The following POLR2I variants were observed in gnomAD, a reference collection of about 807,000 sequenced individuals.
POLR2I encodes DNA-directed RNA polymerase II subunit RPB9.
A neutral mutation model predicts 23.0 loss-of-function variants in POLR2I; 15 were observed. That is an observed-to-expected ratio of 0.65 (90% CI 0.44 to 1.00). POLR2I has a LOEUF of 1.00. Among genes scored for constraint, POLR2I ranks in the 50% least tolerant of loss-of-function variants. The pLI, the probability that POLR2I is intolerant of heterozygous loss-of-function variation, is 0.00. For synonymous variants in POLR2I, 72 were observed against 65.4 expected, an observed-to-expected ratio of 1.10 and a Z score of -0.49; for missense variants, 120 against 173.7, an observed-to-expected ratio of 0.69 and a Z score of 1.74.
At position 36,114,136 on chromosome 19, in the gene POLR2I, C is replaced by G; in HGVS notation, c.263+41G>C. 2 of 1,612,252 alleles carry G rather than the reference C, an allele frequency of 1.2e-6. No homozygotes were observed. Among genetic ancestry groups the G allele is most frequent in the Non-Finnish European group, 1.7e-6 (2 of 1,178,376 alleles). ...CTCCTCCCTTCGCCCAGTGAGGAGACGAGCCTCACTTTACCTCCCCAGTAC... is the reference window on the plus strand; with the variant it reads ...CTCCTCCCTTCGCCCAGTGAGGAGAGGAGCCTCACTTTACCTCCCCAGTAC... On this transcript the variant is annotated intron_variant, in intron 4 of 5. Transcript: ENST00000221859. This position sits in a 1 kb window ranked among gnomAD's most constrained non-coding sequence, Gnocchi z 4.5.
Position 36,114,452 on chromosome 19 carries a change from G to A in POLR2I, c.115-40C>T. 1 of 1,588,336 alleles carries A rather than the reference G, an allele frequency of 6.3e-7. No homozygotes were observed. Among genetic ancestry groups the A allele is most frequent in the Non-Finnish European group, 8.6e-7 (1 of 1,157,044 alleles). ...GTGTGGGGGAAAGGGGGTCACGGAA[G>A]GATTCCAGACAAGATTGGGAGGAGA... On this transcript the variant is annotated intron_variant, in intron 2 of 5. Coordinates refer to ENST00000221859, the MANE Select transcript of POLR2I (RefSeq NM_006233.5). The surrounding 1 kb of genome is among the most constrained non-coding windows in gnomAD (Gnocchi z 4.5).
In POLR2I at chr19:36,113,753, G is replaced by A. The variant is rs1300650335; in HGVS notation, c.*2C>T. ...TTTATTACACTCGGGGGAGAGAGGAGGTCACTCGGTCCAGCGGTGGCCGCA... is the reference window on the plus strand; with the variant it reads ...TTTATTACACTCGGGGGAGAGAGGAAGTCACTCGGTCCAGCGGTGGCCGCA... On this transcript the variant is annotated 3_prime_UTR_variant, in exon 6 of 6. Coordinates refer to ENST00000221859, the MANE Select transcript of POLR2I (RefSeq NM_006233.5). The A allele has an allele frequency of 4.3e-6, 7 of 1,613,502 alleles. No individual in the cohort carries two copies. The East Asian group carries it at 8.9e-5, about 21-fold the overall frequency.
Position 36,114,261 on chromosome 19 carries a change from C to T in POLR2I, c.189-10G>A. The T allele has an allele frequency of 6.2e-7, 1 of 1,613,816 alleles. No individual in the cohort carries two copies. ...AATCTGGGTCAGTTCGCTGCAGGGACGCGGGGGTGCAAAATTACGCTCAGA... is the reference window on the plus strand; with the variant it reads ...AATCTGGGTCAGTTCGCTGCAGGGATGCGGGGGTGCAAAATTACGCTCAGA... On this transcript the variant is annotated splice_polypyrimidine_tract_variant and intron_variant, in intron 3 of 5. Coordinates refer to ENST00000221859, the MANE Select transcript of POLR2I (RefSeq NM_006233.5). This position sits in a 1 kb window ranked among gnomAD's most constrained non-coding sequence, Gnocchi z 4.5.
intron 5 of POLR2I, 39 bp downstream of exon 5, chr19:36,113,976 A>G: frequency 6.2e-7 from 1 of 1,609,660 alleles, no homozygotes; most frequent in Non-Finnish European, 8.5e-7. Context: ...AAAGGACCAA[A>G]CAAGCCCCAG....
In POLR2I at chr19:36,113,766, A is replaced by AGC; in HGVS notation, c.365_366dup (p.Trp123AlafsTer20). 1 of 1,613,658 alleles carries AGC rather than the reference A, an allele frequency of 6.2e-7. No homozygotes were observed. The highest frequency in any genetic ancestry group is 2.2e-5 in the East Asian group (1 of 44,870). ...GGGGAGAGAGGAGGTCACTCGGTCC[A>AGC]GCGGTGGCCGCAGTGTGGGGCTGTG... On this transcript the variant is annotated frameshift_variant, in exon 6 of 6. Transcript: ENST00000221859. LOFTEE classifies it high-confidence loss of function.
chr19:36,113,883 G>A (rs988016461), intron 5 of POLR2I, 66 bp from the exon 6 acceptor site: 4 of 1,593,780 alleles, frequency 2.5e-6, no homozygotes, highest in Admixed American at 1.7e-5. Context: ...AAAAGAACAG[G>A]CAAGAGAACT....
At position 36,114,646 on chromosome 19, in the gene POLR2I, C is replaced by G. The variant is rs768903225; in HGVS notation, c.114+13G>C. ...GAACAGGTGGACCTGCCGGGGAAGACCCCGGCGCTCACCGCGTAGAGCAGA... is the reference window on the plus strand; with the variant it reads ...GAACAGGTGGACCTGCCGGGGAAGAGCCCGGCGCTCACCGCGTAGAGCAGA... On this transcript the variant is annotated intron_variant, in intron 2 of 5. Transcript: ENST00000221859. This position sits in a 1 kb window ranked among gnomAD's most constrained non-coding sequence, Gnocchi z 4.5. 2 of 1,602,224 alleles carry G rather than the reference C, an allele frequency of 1.2e-6. No homozygotes were observed. Among genetic ancestry groups the G allele is most frequent in the Non-Finnish European group, 1.7e-6 (2 of 1,171,250 alleles).
chr19:36,113,774 C>T lies in POLR2I; in HGVS notation c.359G>A (p.Gly120Asp), dbSNP rs1253479493. ...AGGAGGTCACTCGGTCCAGCGGTGG[C>T]CGCAGTGTGGGGCTGTGCACACGTA... The part of the protein sequence containing the change: ...LYYVCTAPHC[G>D]HRWTE The change falls in exon 6 of 6, where the codon GGC becomes GAC. Residue 120 changes from glycine (G) to aspartate (D), a missense_variant. Coordinates refer to ENST00000221859, the MANE Select transcript of POLR2I (RefSeq NM_006233.5). The T allele has an allele frequency of 1.9e-6, 3 of 1,613,310 alleles. No homozygotes were observed. Among genetic ancestry groups the T allele is most frequent in the Non-Finnish European group, 2.5e-6 (3 of 1,179,902 alleles).
In POLR2I at chr19:36,114,536, T is replaced by C. The variant is rs1973906409; in HGVS notation, c.114+123A>G. 1.5e-5 allele frequency: 19 copies of C among 1,298,930 alleles called. No individual in the cohort carries two copies. The highest frequency in any genetic ancestry group is 2.3e-5 in the East Asian group (1 of 43,118). 80.5% of individuals were successfully genotyped at this position (1,298,930 alleles called of 1,614,324 possible). A position where few individuals can be genotyped will look rare whatever the true frequency, so the allele number is the denominator to read the frequency against. ...ACTCTCTTTGGGGATGGGCAGGACATGAGAGTCAGGATCACTTGAGGTGCA... is the reference window on the plus strand; with the variant it reads ...ACTCTCTTTGGGGATGGGCAGGACACGAGAGTCAGGATCACTTGAGGTGCA... On this transcript the variant is annotated intron_variant, in intron 2 of 5. Transcript: ENST00000221859. The surrounding 1 kb of genome is among the most constrained non-coding windows in gnomAD (Gnocchi z 4.5).
At position 36,114,176 on chromosome 19, in the gene POLR2I, C is replaced by T. The variant is rs1022185388; in HGVS notation, c.263+1G>A. Reference sequence around the variant, plus strand: ...CTCCCCAGTACCAGCTGAACGCTCACTTTTGGCACGGGTGGTCCTCGGTCC... The same window carrying T: ...CTCCCCAGTACCAGCTGAACGCTCATTTTTGGCACGGGTGGTCCTCGGTCC... On this transcript the variant is annotated splice_donor_variant, in intron 4 of 5. Transcript: ENST00000221859. LOFTEE classifies it high-confidence loss of function. The surrounding 1 kb of genome is among the most constrained non-coding windows in gnomAD (Gnocchi z 4.5). 1 of 1,614,168 alleles carries T rather than the reference C, an allele frequency of 6.2e-7. No individual in the cohort carries two copies. The highest frequency in any genetic ancestry group is 8.5e-7 in the Non-Finnish European group (1 of 1,180,022).
At position 36,114,318 on chromosome 19, in the gene POLR2I, AG is replaced by A. The variant is rs774675619; in HGVS notation, c.188+20del. 2.6e-5 allele frequency: 42 copies of A among 1,613,702 alleles called. No homozygotes were observed. Among genetic ancestry groups the A allele is most frequent in the Non-Finnish European group, 3.6e-5 (42 of 1,179,820 alleles). ...CTCCAGAGCCAACACCCCCGCCCCC[AG>A]CTCAGGGCCCGCCACTCACTCCACT... On this transcript the variant is annotated intron_variant, in intron 3 of 5. Transcript: ENST00000221859. This position sits in a 1 kb window ranked among gnomAD's most constrained non-coding sequence, Gnocchi z 4.5.
At position 36,114,082 on chromosome 19, in the gene POLR2I, C is replaced by G; in HGVS notation, c.264-16G>C. 6.2e-7 allele frequency: 1 copy of G among 1,613,942 alleles called. No homozygotes were observed. The highest frequency in any genetic ancestry group is 8.5e-7 in the Non-Finnish European group (1 of 1,179,916). ...GTGGCCGCACCTGAGAGGGTAGGGG[C>G]TCGGTCACCGGAGGCTTCACACCCT... On this transcript the variant is annotated splice_polypyrimidine_tract_variant and intron_variant, in intron 4 of 5. Transcript: ENST00000221859. This position sits in a 1 kb window ranked among gnomAD's most constrained non-coding sequence, Gnocchi z 4.5.
chr19:36,114,785 C>T lies in POLR2I; in HGVS notation c.59+13G>A. 1 of 1,614,202 alleles carries T rather than the reference C, an allele frequency of 6.2e-7. No homozygotes were observed. The highest frequency in any genetic ancestry group is 8.5e-7 in the Non-Finnish European group (1 of 1,180,014). ...CGCCCGCCTTCTAACATCACCCGCTCCCTCCGCCTCACCATTCCTGGCAGA... is the reference window on the plus strand; with the variant it reads ...CGCCCGCCTTCTAACATCACCCGCTTCCTCCGCCTCACCATTCCTGGCAGA... On this transcript the variant is annotated intron_variant, in intron 1 of 5. Coordinates refer to ENST00000221859, the MANE Select transcript of POLR2I (RefSeq NM_006233.5). The surrounding 1 kb of genome is among the most constrained non-coding windows in gnomAD (Gnocchi z 4.5).
chr19:36,113,884 C>G, intron 5 of POLR2I, 67 bp from the exon 6 acceptor site: 1 of 1,593,850 alleles, frequency 6.3e-7, no homozygotes, highest in East Asian at 2.2e-5. Context: ...AAAGAACAGG[C>G]AAGAGAACTT....
In POLR2I at chr19:36,114,764, C is replaced by T. The variant is rs374745788; in HGVS notation, c.59+34G>A. The T allele has an allele frequency of 2.5e-6, 4 of 1,613,920 alleles. No individual in the cohort carries two copies. Among genetic ancestry groups the T allele is most frequent in the Non-Finnish European group, 3.4e-6 (4 of 1,179,788 alleles). On this transcript the variant is annotated intron_variant, in intron 1 of 5. Coordinates refer to ENST00000221859, the MANE Select transcript of POLR2I (RefSeq NM_006233.5). The surrounding 1 kb of genome is among the most constrained non-coding windows in gnomAD (Gnocchi z 4.5). ...GTTAGTTCTGGAGCCATTCCTCGCC[C>T]GCCTTCTAACATCACCCGCTCCCTC...
At position 36,114,116 on chromosome 19, in the gene POLR2I, C is replaced by T. The variant is rs558312255; in HGVS notation, c.264-50G>A. 6.2e-7 allele frequency: 1 copy of T among 1,613,736 alleles called. No individual in the cohort carries two copies. Among genetic ancestry groups the T allele is most frequent in the African/African-American group, 1.3e-5 (1 of 75,040 alleles). ...CGGAGGCTTCACACCCTTCCCTCCT[C>T]CCTTCGCCCAGTGAGGAGACGAGCC... On this transcript the variant is annotated intron_variant, in intron 4 of 5. Transcript: ENST00000221859. The surrounding 1 kb of genome is among the most constrained non-coding windows in gnomAD (Gnocchi z 4.5).
chr19:36,114,279 C>G lies in POLR2I; in HGVS notation c.189-28G>C. ...GCAGGGACGCGGGGGTGCAAAATTA[C>G]GCTCAGACCCAGCCTCCAGAGCCAA... On this transcript the variant is annotated intron_variant, in intron 3 of 5. Transcript: ENST00000221859. This position sits in a 1 kb window ranked among gnomAD's most constrained non-coding sequence, Gnocchi z 4.5. 1 of 1,613,418 alleles carries G rather than the reference C, an allele frequency of 6.2e-7. No homozygotes were observed. The highest frequency in any genetic ancestry group is 1.1e-5 in the South Asian group (1 of 91,052).
Position 36,114,435 on chromosome 19 carries a change from G to T in POLR2I, c.115-23C>A. The stretch of plus-strand genomic sequence containing the variant: ...GCACTACGAGAGGGCGAGTGTGGGG[G>T]AAAGGGGGTCACGGAAGGATTCCAG... On this transcript the variant is annotated intron_variant, in intron 2 of 5. Coordinates refer to ENST00000221859, the MANE Select transcript of POLR2I (RefSeq NM_006233.5). This position sits in a 1 kb window ranked among gnomAD's most constrained non-coding sequence, Gnocchi z 4.5. 2 of 1,609,086 alleles carry T rather than the reference G, an allele frequency of 1.2e-6. No individual in the cohort carries two copies. The highest frequency in any genetic ancestry group is 1.7e-6 in the Non-Finnish European group (2 of 1,175,704).
rs200990838 is a variant in POLR2I, at chr19:36,114,132, G to C, written c.263+45C>G. 6.2e-7 allele frequency: 1 copy of C among 1,613,758 alleles called. No homozygotes were observed. The highest frequency in any genetic ancestry group is 8.5e-7 in the Non-Finnish European group (1 of 1,179,710). On this transcript the variant is annotated intron_variant, in intron 4 of 5. Coordinates refer to ENST00000221859, the MANE Select transcript of POLR2I (RefSeq NM_006233.5). This position sits in a 1 kb window ranked among gnomAD's most constrained non-coding sequence, Gnocchi z 4.5. ...TTCCCTCCTCCCTTCGCCCAGTGAG[G>C]AGACGAGCCTCACTTTACCTCCCCA...
Sources: gnomAD v4.1 joint callset for allele counts on GRCh38, gnomAD v4.1.1 for gene constraint, Gnocchi (gnomAD v3.1) non-coding constraint, MANE v1.5 for transcripts, NCBI Gene and HGNC (gene_info 2026-07-23, HGNC 2026-07-21) for gene names.